XCR1: variants seen among roughly 807,000 people sequenced by gnomAD.
XCR1 encodes the protein X-C motif chemokine receptor 1.
For synonymous variants in XCR1, 187 were observed against 188.5 expected, an observed-to-expected ratio of 0.99 and a Z score of 0.06; for missense variants, 356 against 424.2, an observed-to-expected ratio of 0.84 and a Z score of 1.41.
chr3:46,084,509 G>A (rs1357578578), intron 1 of XCR1, among the ~76,000 whole-genome samples: 8 of 152,136 alleles, frequency 5.3e-5, no homozygotes, highest in East Asian at 1.9e-4. Context: ...TGCACTGGAC[G>A]CCATAACTCA....
intron 5 of XCR1, among the ~76,000 whole-genome samples, chr3:46,039,465 G>A (rs943887570): frequency 3.9e-5 from 6 of 152,268 alleles, no homozygotes; most frequent in Non-Finnish European, 8.8e-5. Context: ...ACTGCAGGCA[G>A]TCACTCCTAG....
chr3:46,047,786 C>T (rs1697663592), intron 5 of XCR1, among the ~76,000 whole-genome samples: 2 of 152,210 alleles, frequency 1.3e-5, no homozygotes, highest in Non-Finnish European at 2.9e-5. Flanking sequence ...GCCACCAATG[C>T]CAGCACAGTT....
At chr3:46,059,780 G>C (rs61388113) in intron 4 of XCR1, among the ~76,000 whole-genome samples, 3 of 152,120 alleles carry the variant, frequency 2.0e-5, no homozygotes, top group African/African-American at 4.8e-5. Flanking sequence ...GTAAATAAAC[G>C]TTCCACCAAA....
intron 5 of XCR1, among the ~76,000 whole-genome samples, chr3:46,035,465 G>GT (rs1697409450): frequency 6.6e-6 from 1 of 152,152 alleles, no homozygotes. Context: ...TGGTATTTCA[G>GT]TAACAGATTT....
At chr3:46,022,261 T>C (rs876668) in intron 1 of XCR1, 43,343 of 258,466 alleles carry the variant, frequency 0.17, 5,566 homozygotes, top group African/African-American at 0.4. Context: ...GCTGTGATCA[T>C]GCCACTGCAC....
rs150852275 is a variant in XCR1, at chr3:46,078,476, G to A, written c.-514-1550C>T. 3.7e-3 allele frequency among the ~76,000 whole-genome samples: 557 copies of A among 152,296 alleles called. 1 individual carries two copies. Among genetic ancestry groups the A allele is most frequent in the African/African-American group, 0.013 (530 of 41,574 alleles). On this transcript the variant is annotated intron_variant, in intron 1 of 5. Transcript: ENST00000683768. Reference sequence around the variant, plus strand: ...TATGTTTTCCGATCCTCCCTTACTAGAATGGGAGTTTTCCATCTGTGCCTA... The same window carrying A: ...TATGTTTTCCGATCCTCCCTTACTAAAATGGGAGTTTTCCATCTGTGCCTA...
At chr3:46,038,531 G>GA (rs1310292675) in intron 5 of XCR1, among the ~76,000 whole-genome samples, 2 of 152,016 alleles carry the variant, frequency 1.3e-5, no homozygotes, top group African/African-American at 4.8e-5. Flanking sequence ...TCTTTGAATA[G>GA]ACATTTTGTT....
intron 4 of XCR1, among the ~76,000 whole-genome samples, chr3:46,058,808 A>G (rs189820536): frequency 6.6e-6 from 1 of 152,208 alleles, no homozygotes; most frequent in East Asian, 1.9e-4. Flanking sequence ...CAAGGGATCC[A>G]CCCACCTTGG....
At chr3:46,085,514 G>C (rs183973067) in intron 1 of XCR1, among the ~76,000 whole-genome samples, 2 of 152,152 alleles carry the variant, frequency 1.3e-5, no homozygotes, top group Non-Finnish European at 1.5e-5. Context: ...ACTCCATCCT[G>C]TCTGCCCCTC....
chr3:46,050,586 G>A (rs958238125), intron 5 of XCR1, among the ~76,000 whole-genome samples: 9 of 152,232 alleles, frequency 5.9e-5, no homozygotes, highest in South Asian at 2.1e-4. Context: ...AATGATATAC[G>A]CAGTGGGAAA....
chr3:46,028,827 A>G (rs1708350103), upstream of XCR1, among the ~76,000 whole-genome samples: 1 of 152,252 alleles, frequency 6.6e-6, no homozygotes, highest in South Asian at 2.1e-4. Context: ...CTTGGCCTCA[A>G]GTGATCCTCC....
intron 3 of XCR1, among the ~76,000 whole-genome samples, chr3:46,073,242 T>A (rs1037960063): frequency 3.3e-5 from 5 of 152,238 alleles, no homozygotes; most frequent in Admixed American, 1.3e-4. Flanking sequence ...AAAGTACATA[T>A]GACAAAGACA....
At chr3:46,038,884 T>C (rs1697483013) in intron 5 of XCR1, among the ~76,000 whole-genome samples, 1 of 152,190 alleles carries the variant, frequency 6.6e-6, no homozygotes, top group Non-Finnish European at 1.5e-5. Flanking sequence ...AACTTAATGC[T>C]AAGGAAAGAT....
rs1708157693 is a variant in XCR1, at chr3:46,021,735, G to A, written c.213C>T (p.Leu71=). The A allele has an allele frequency of 1.2e-6, 2 of 1,614,116 alleles. No homozygotes were observed. Among genetic ancestry groups the A allele is most frequent in the East Asian group, 4.5e-5 (2 of 44,868 alleles). ...ACACCAGGTCTGAGAGGCACAGGTTGAGGATGAAGATGTTGGTGAGGGACT... is the reference window on the plus strand; with the variant it reads ...ACACCAGGTCTGAGAGGCACAGGTTAAGGATGAAGATGTTGGTGAGGGACT... The part of the protein sequence containing the change: ...SLESLTNIFI[L]NLCLSDLVFA... Residue 71 remains leucine, a synonymous_variant, in exon 2 of 2, where the codon CTC becomes CTT. Transcript: ENST00000309285. The surrounding 1 kb of genome is among the most constrained non-coding windows in gnomAD (Gnocchi z 4.7).
intron 3 of XCR1, among the ~76,000 whole-genome samples, chr3:46,073,525 G>A (rs547367936): frequency 2.6e-5 from 4 of 152,136 alleles, no homozygotes; most frequent in Non-Finnish European, 5.9e-5. Flanking sequence ...AGAGCCGGAG[G>A]TTGCAGTGAG....
At chr3:46,028,929 T>C (rs1047980498), upstream of XCR1, among the ~76,000 whole-genome samples, 2 of 152,136 alleles carry the variant, frequency 1.3e-5, no homozygotes, top group African/African-American at 4.8e-5. Flanking sequence ...TATAAATTAT[T>C]TCTTTTGTTG....
At chr3:46,023,262 C>T in intron 1 of XCR1, 1 of 668,316 alleles carries the variant, frequency 1.5e-6, no homozygotes, top group African/African-American at 1.8e-5. Flanking sequence ...GTTCCCTGGC[C>T]CCACCGCTCC....
At chr3:46,057,133 C>T (rs1219846631) in intron 4 of XCR1, among the ~76,000 whole-genome samples, 1 of 152,092 alleles carries the variant, frequency 6.6e-6, no homozygotes, top group Non-Finnish European at 1.5e-5. Flanking sequence ...CATTGTTTTC[C>T]GTTTTTAGTT....
At chr3:46,045,118 C>G (rs934179548) in intron 5 of XCR1, among the ~76,000 whole-genome samples, 5 of 152,104 alleles carry the variant, frequency 3.3e-5, no homozygotes, top group African/African-American at 1.2e-4. Flanking sequence ...AAAAAAACCC[C>G]TAAATGTATT....
Sources: gnomAD v4.1 joint callset for allele counts (sites outside exome capture counted in the v4.1 genomes callset) on GRCh38, gnomAD v4.1.1 for gene constraint, Gnocchi (gnomAD v3.1) non-coding constraint, MANE v1.5 for transcripts, NCBI Gene and HGNC (gene_info 2026-07-23, HGNC 2026-07-21) for gene names.